The following SNTG2 variants were observed in gnomAD, a reference collection of about 807,000 sequenced individuals.
SNTG2 encodes the protein syntrophin gamma 2.
Under a neutral mutation model 70.9 loss-of-function variants are expected in SNTG2, and 74 were observed. The ratio of observed to expected loss-of-function variants is 1.04; its 90% CI spans 0.86 to 1.27. The LOEUF is 1.27. SNTG2 is among the 50% of genes most tolerant of loss of function. SNTG2 has a pLI of 0.00. For missense variants in SNTG2, 717 were observed against 690.7 expected (o/e 1.04, Z -0.43); for synonymous variants, 278 against 273.8 (o/e 1.02, Z -0.15).
At chr2:1,186,424 G>A (rs549872083) in intron 8 of SNTG2, among the ~76,000 whole-genome samples, 37 of 152,176 alleles carry the variant, frequency 2.4e-4, no homozygotes, top group South Asian at 1.2e-3. Flanking sequence ...AGCAGTATTC[G>A]TGGTACCAAT....
chr2:1,223,237 G>A (rs1675463434), intron 9 of SNTG2, among the ~76,000 whole-genome samples: 2 of 121,984 alleles, frequency 1.6e-5, no homozygotes, highest in Admixed American at 1.7e-4. Flanking sequence ...TGCTGGAGGT[G>A]CTGGATCGCT....
chr2:1,366,039 C>T (rs181371948), intron 16 of SNTG2, among the ~76,000 whole-genome samples: 13 of 81,210 alleles, frequency 1.6e-4, no homozygotes, highest in Non-Finnish European at 2.8e-4. Flanking sequence ...GTCTGTGGAA[C>T]TGACAGGCCT....
At chr2:1,083,918 G>A (rs1181251724) in intron 2 of SNTG2, among the ~76,000 whole-genome samples, 1 of 152,092 alleles carries the variant, frequency 6.6e-6, no homozygotes, top group African/African-American at 2.4e-5. Context: ...GCGTGTGCCT[G>A]TAATCCCAGC....
At chr2:960,093 G>A (rs112750200) in intron 1 of SNTG2, among the ~76,000 whole-genome samples, 127 of 152,274 alleles carry the variant, frequency 8.3e-4, no homozygotes, top group African/African-American at 2.9e-3. Context: ...CCCTGCTTAA[G>A]GTTCTTCTGT....
intron 8 of SNTG2, among the ~76,000 whole-genome samples, chr2:1,196,323 GACAA>G (rs1672905563): frequency 6.6e-6 from 1 of 151,916 alleles, no homozygotes; most frequent in Admixed American, 6.6e-5. Flanking sequence ...AACCCAGTCA[GACAA>G]ACAAAAGAAA....
chr2:1,269,881 G>A (rs145630857), intron 14 of SNTG2, among the ~76,000 whole-genome samples: 14,061 of 152,224 alleles, frequency 0.092, 709 homozygotes, highest in South Asian at 0.15. Context: ...GTAAGTGGGT[G>A]TGGGCATCCA....
At chr2:957,628 A>C (rs1168049832) in intron 1 of SNTG2, among the ~76,000 whole-genome samples, 2 of 152,100 alleles carry the variant, frequency 1.3e-5, no homozygotes, top group Admixed American at 1.3e-4. Flanking sequence ...ACGAAACAGC[A>C]CAGGGCAGCT....
At chr2:980,549 A>G (rs1319116355) in intron 1 of SNTG2, among the ~76,000 whole-genome samples, 1 of 152,156 alleles carries the variant, frequency 6.6e-6, no homozygotes, top group African/African-American at 2.4e-5. Context: ...TTGGTTTATC[A>G]CTTATTTTAC....
intron 1 of SNTG2, among the ~76,000 whole-genome samples, chr2:978,170 G>A (rs1016622777): frequency 3.9e-5 from 6 of 152,202 alleles, no homozygotes; most frequent in Admixed American, 2.6e-4. Context: ...GTCACAGTGA[G>A]GGGCCTGGAG....
At chr2:1,066,611 A>C (rs36095686) in intron 1 of SNTG2, among the ~76,000 whole-genome samples, 26,946 of 152,028 alleles carry the variant, frequency 0.18, 2,467 homozygotes, top group South Asian at 0.22. Flanking sequence ...TGAGCTGGTC[A>C]TCACTGGTTG....
At chr2:962,082 C>A (rs1472437755) in intron 1 of SNTG2, among the ~76,000 whole-genome samples, 1 of 152,126 alleles carries the variant, frequency 6.6e-6, no homozygotes, top group Non-Finnish European at 1.5e-5. Flanking sequence ...ACCTAAGATA[C>A]ATTTCTTATT....
At chr2:1,076,642 G>A (rs760584849) in intron 1 of SNTG2, among the ~76,000 whole-genome samples, 7 of 152,094 alleles carry the variant, frequency 4.6e-5, no homozygotes, top group Non-Finnish European at 1.0e-4. Flanking sequence ...AGACATACGA[G>A]AATGATCTCA....
intron 1 of SNTG2, among the ~76,000 whole-genome samples, chr2:1,000,349 C>CT (rs1298437449): frequency 1.3e-4 from 19 of 151,666 alleles, no homozygotes; most frequent in Non-Finnish European, 2.2e-4. Flanking sequence ...AAAGTTGTTT[C>CT]TTTGAAAGGA....
chr2:1,278,227 A>G (rs1276412381), intron 14 of SNTG2, among the ~76,000 whole-genome samples: 2 of 152,222 alleles, frequency 1.3e-5, no homozygotes, highest in East Asian at 3.8e-4. Flanking sequence ...GTAACTGGCC[A>G]TGTCAGTTAA....
chr2:1,291,506 T>C (rs1679991965), intron 14 of SNTG2, among the ~76,000 whole-genome samples: 1 of 152,184 alleles, frequency 6.6e-6, no homozygotes, highest in South Asian at 2.1e-4. Flanking sequence ...TTTTGGTCTG[T>C]TTTGATTTAA....
intron 1 of SNTG2, among the ~76,000 whole-genome samples, chr2:982,455 G>A (rs1050039813): frequency 1.3e-5 from 2 of 152,180 alleles, no homozygotes; most frequent in Admixed American, 6.5e-5. Context: ...CTACTGCAGG[G>A]GTGAAAACAC....
intron 1 of SNTG2, among the ~76,000 whole-genome samples, chr2:1,060,898 T>C (rs1415244609): frequency 7.9e-5 from 12 of 152,326 alleles, no homozygotes; most frequent in Admixed American, 7.8e-4. Flanking sequence ...CCCTGAATTA[T>C]GTATAAATTA....
intron 12 of SNTG2, 92 bp downstream of exon 12, chr2:1,247,535 A>G (rs1283748209): frequency 3.4e-6 from 3 of 874,468 alleles, no homozygotes; most frequent in Non-Finnish European, 5.7e-6. Flanking sequence ...TTGGAGGAGG[A>G]CAGACAGAGT....
At chr2:1,102,189 C>T (rs868454324) in intron 4 of SNTG2, among the ~76,000 whole-genome samples, 4 of 152,042 alleles carry the variant, frequency 2.6e-5, no homozygotes, top group African/African-American at 7.2e-5. Context: ...ACAGAGGAGA[C>T]GGGGAGAGGG....
Sources: allele counts gnomAD v4.1 joint callset (sites outside exome capture counted in the v4.1 genomes callset), GRCh38; gene constraint gnomAD v4.1.1; transcripts MANE v1.5; gene names NCBI Gene and HGNC (gene_info 2026-07-23, HGNC 2026-07-21).